Variants in RIC1 observed in about 807,000 individuals in gnomAD.
RIC1 encodes the protein RIC1 partner of RAB6A GEF complex, also known as guanine nucleotide exchange factor subunit RIC1.
RIC1 carries 88 observed loss-of-function variants against 169.0 expected under a neutral mutation model. The observed-to-expected ratio is 0.52, with a 90% CI of 0.44 to 0.62. RIC1 has a LOEUF of 0.62. Ranked by LOEUF, RIC1 falls within the 20% of genes least tolerant of loss-of-function variation. RIC1 has a pLI of 0.00. For missense variants in RIC1, 1,877 were observed against 1,725.5 expected, an observed-to-expected ratio of 1.09 and a Z score of -1.56; for synonymous variants, 790 against 601.5, an observed-to-expected ratio of 1.31 and a Z score of -4.59.
intron 12 of RIC1, among the ~76,000 whole-genome samples, chr9:5,747,791 G>C (rs917339461): frequency 5.2e-5 from 6 of 115,936 alleles, no homozygotes; most frequent in African/African-American, 2.5e-4. Flanking sequence ...TTTACTTTCA[G>C]CCTCTTTTTT....
intron 2 of RIC1, among the ~76,000 whole-genome samples, chr9:5,675,030 A>G (rs997027389): frequency 1.5e-4 from 23 of 152,196 alleles, no homozygotes; most frequent in Non-Finnish European, 3.2e-4. Flanking sequence ...GTACTTCTAT[A>G]GAGGGGTGCG....
rs1381909362 is a variant in RIC1 at position 5,713,885 on chromosome 9, G to A, written c.333-11G>A. On this transcript the variant is annotated splice_polypyrimidine_tract_variant and intron_variant, in intron 3 of 25. Transcript: ENST00000414202. ...CAGCATCTTTCTTTAACTCTATGCTGTTTGTTTTAGAGGAAGTCCACAAAT... is the reference window on the plus strand; with the variant it reads ...CAGCATCTTTCTTTAACTCTATGCTATTTGTTTTAGAGGAAGTCCACAAAT... 1.3e-6 allele frequency: 2 copies of A among 1,594,812 alleles called. No homozygotes were observed. Among genetic ancestry groups the A allele is most frequent in the Admixed American group, 1.7e-5 (1 of 59,928 alleles).
intron 1 of RIC1, among the ~76,000 whole-genome samples, chr9:5,655,047 T>G (rs1219818063): frequency 6.6e-6 from 1 of 152,180 alleles, no homozygotes; most frequent in Non-Finnish European, 1.5e-5. Flanking sequence ...TTTTATTTAT[T>G]CCTTCCCAAT....
chr9:5,637,507 T>G (rs749585228), intron 1 of RIC1, among the ~76,000 whole-genome samples: 17 of 152,220 alleles, frequency 1.1e-4, no homozygotes, highest in Non-Finnish European at 1.3e-4. Context: ...TACAATTAAA[T>G]TATTTTGACT....
At chr9:5,736,222 T>G (rs576050954) in intron 7 of RIC1, among the ~76,000 whole-genome samples, 1 of 152,304 alleles carries the variant, frequency 6.6e-6, no homozygotes, top group South Asian at 2.1e-4. Context: ...GTGCTGTCTC[T>G]CAGCAAGAGT....
At chr9:5,682,915 C>T (rs1013822502) in intron 2 of RIC1, among the ~76,000 whole-genome samples, 1 of 152,172 alleles carries the variant, frequency 6.6e-6, no homozygotes, top group Admixed American at 6.5e-5. Context: ...TCATTCATTT[C>T]ATCTTCCATC....
intron 1 of RIC1, among the ~76,000 whole-genome samples, chr9:5,651,865 G>A (rs11792562): frequency 6.6e-5 from 10 of 152,238 alleles, no homozygotes; most frequent in Admixed American, 4.6e-4. Flanking sequence ...ACCGCACCTA[G>A]CCTCTTTAAT....
At position 5,655,960 on chromosome 9, in the gene RIC1, C is replaced by T. The variant is rs553918411; in HGVS notation, c.145-623C>T. Among the ~76,000 whole-genome samples the T allele has an allele frequency of 2.0e-4, 30 of 152,056 alleles. No homozygotes were observed. In the South Asian group the frequency reaches 4.6e-3, roughly 23 times the overall value. On this transcript the variant is annotated intron_variant, in intron 1 of 25. Coordinates refer to ENST00000414202, the MANE Select transcript of RIC1 (RefSeq NM_020829.4). ...TCTCGGCTCACTGCAAGCTCTGCCT[C>T]CCAGGTTCACGCTATTCTCCTGCCT...
Position 5,774,839 on chromosome 9 carries a change from G to C in RIC1, c.*593G>C, listed in dbSNP as rs1038690512. The C allele has an allele frequency of 1.3e-5, 2 of 152,280 alleles. No homozygotes were observed. The highest frequency in any genetic ancestry group is 2.9e-5 in the Non-Finnish European group (2 of 68,076). 9.4% of individuals were successfully genotyped at this position (152,280 alleles called of 1,614,324 possible). A position where few individuals can be genotyped will look rare whatever the true frequency, so the allele number is the denominator to read the frequency against. ...ATTGATGGAAGCTATTTACCTGTGA[G>C]TTAATGTGCTTGTTTTAGCAAGCTT... On this transcript the variant is annotated 3_prime_UTR_variant, in exon 26 of 26. Coordinates refer to ENST00000414202, the MANE Select transcript of RIC1 (RefSeq NM_020829.4).
At chr9:5,643,338 T>C (rs769485797) in intron 1 of RIC1, among the ~76,000 whole-genome samples, 5 of 152,140 alleles carry the variant, frequency 3.3e-5, no homozygotes, top group African/African-American at 1.2e-4. Context: ...ATCATGTCAA[T>C]ATAAACACAT....
intron 2 of RIC1, among the ~76,000 whole-genome samples, chr9:5,658,768 C>T (rs949650786): frequency 6.6e-6 from 1 of 151,356 alleles, no homozygotes; most frequent in African/African-American, 2.4e-5. Flanking sequence ...TTGAATTGCC[C>T]TCCTCCACAG....
chr9:5,763,150 G>T lies in RIC1; in HGVS notation c.2123G>T (p.Cys708Phe). 1 of 1,613,484 alleles carries T rather than the reference G, an allele frequency of 6.2e-7. No homozygotes were observed. The highest frequency in any genetic ancestry group is 8.5e-7 in the Non-Finnish European group (1 of 1,179,500). The change falls in exon 19 of 26, where the codon TGT (cysteine) becomes TTT (phenylalanine). Residue 708 changes from cysteine to phenylalanine, a missense_variant. Physicochemically the swap from Cys to Phe is radical, Grantham distance 205. Coordinates refer to ENST00000414202, the MANE Select transcript of RIC1 (RefSeq NM_020829.4). This position sits in a 1 kb window ranked among gnomAD's most constrained non-coding sequence, Gnocchi z 5.2. ...PNNQRKLLPF[C>F]PPVVLAQSVE... ...TCTCTCCTTCTCCAGCTGCCATTCT[G>T]TCCTCCTGTTGTACTAGCCCAGTCT...
At chr9:5,649,888 C>T (rs1818710094) in intron 1 of RIC1, among the ~76,000 whole-genome samples, 1 of 151,866 alleles carries the variant, frequency 6.6e-6, no homozygotes, top group Non-Finnish European at 1.5e-5. Flanking sequence ...GGTAGGGCAC[C>T]TTGTCTTTGA....
chr9:5,769,202 A>G lies in RIC1; in HGVS notation c.3370A>G (p.Ile1124Val), dbSNP rs770451184. The G allele has an allele frequency of 3.1e-6, 5 of 1,613,992 alleles. No homozygotes were observed. Among genetic ancestry groups the G allele is most frequent in the South Asian group, 2.2e-5 (2 of 91,094 alleles). The change falls in exon 22 of 26, where the codon ATC becomes GTC. Residue 1124 changes from isoleucine to valine, a missense_variant. Ile to Val is a conservative substitution (Grantham distance 29). This residue lies in a region of RIC1 where 681 missense variants were observed against 582.0 expected (regional missense o/e 1.17). Transcript: ENST00000414202. ...CAAAGATTTCCTGTGGCCACTTCCA[A>G]TCATCCCAGCCTCTTCTATCAGTTC... ...LHKDFLWPLP[I>V]IPASSISSPF...
intron 4 of RIC1, among the ~76,000 whole-genome samples, chr9:5,719,961 G>T (rs933214604): frequency 1.3e-5 from 2 of 151,992 alleles, no homozygotes; most frequent in African/African-American, 4.8e-5. Context: ...AGTTTTATCA[G>T]TTATCAAGTT....
chr9:5,754,828 T>A lies in RIC1; in HGVS notation c.1603-13T>A, dbSNP rs750472482. The A allele has an allele frequency of 1.4e-5, 21 of 1,524,944 alleles. No homozygotes were observed. In the Middle Eastern group the frequency reaches 6.0e-4, roughly 43 times the overall value. 94.5% of individuals were successfully genotyped at this position (1,524,944 alleles called of 1,614,324 possible). A position where few individuals can be genotyped will look rare whatever the true frequency, so the allele number is the denominator to read the frequency against. On this transcript the variant is annotated splice_polypyrimidine_tract_variant and intron_variant, in intron 14 of 25. Coordinates refer to ENST00000414202, the MANE Select transcript of RIC1 (RefSeq NM_020829.4). The stretch of plus-strand genomic sequence containing the variant: ...AGCATAAGGTAAATTTTTTAAAAAA[T>A]TTTTATTTTAAGGAGCAAAATATGA...
chr9:5,740,775 A>C (rs1379318166), intron 8 of RIC1, among the ~76,000 whole-genome samples: 1 of 152,038 alleles, frequency 6.6e-6, no homozygotes, highest in African/African-American at 2.4e-5. Flanking sequence ...CTCAAATGTT[A>C]ATCTCCTTTG....
chr9:5,699,436 G>A (rs1822092492), intron 3 of RIC1, among the ~76,000 whole-genome samples: 1 of 151,898 alleles, frequency 6.6e-6, no homozygotes, highest in Admixed American at 6.6e-5. Flanking sequence ...GGAATTAGTG[G>A]GTAAATGTTT....
chr9:5,678,262 C>G (rs1054007931), intron 2 of RIC1, among the ~76,000 whole-genome samples: 12 of 152,174 alleles, frequency 7.9e-5, no homozygotes, highest in African/African-American at 2.6e-4. Flanking sequence ...GGACATTTGG[C>G]TTGGTTTCAA....
Sources: gnomAD v4.1 joint callset for allele counts (sites outside exome capture counted in the v4.1 genomes callset) on GRCh38, gnomAD v4.1.1 for gene constraint, gnomAD v4.1.1 regional missense constraint, Gnocchi (gnomAD v3.1) non-coding constraint, MANE v1.5 for transcripts, NCBI Gene and HGNC (gene_info 2026-07-23, HGNC 2026-07-21) for gene names.